Variants in EXT1 observed in about 807,000 individuals in gnomAD.
EXT1 encodes the protein exostosin glycosyltransferase 1.
Under a neutral mutation model 82.5 loss-of-function variants are expected in EXT1, and 20 were observed. That is an observed-to-expected ratio of 0.24 (90% CI 0.17 to 0.35). The LOEUF is 0.35. Among genes scored for constraint, EXT1 ranks in the 10% least tolerant of loss-of-function variants. The pLI, the probability that EXT1 is intolerant of heterozygous loss-of-function variation, is 1.00. For synonymous variants in EXT1, 348 were observed against 350.8 expected (o/e 0.99, Z 0.09); for missense variants, 757 against 936.5 (o/e 0.81, Z 2.50).
intron 1 of EXT1, among the ~76,000 whole-genome samples, chr8:117,847,503 T>C (rs1280664249): frequency 6.6e-6 from 1 of 152,198 alleles, no homozygotes; most frequent in Non-Finnish European, 1.5e-5. Flanking sequence ...GCATTATTTG[T>C]AAATCAAGTT....
intron 4 of EXT1, among the ~76,000 whole-genome samples, chr8:117,826,304 A>G (rs1248798147): frequency 1.3e-5 from 2 of 152,204 alleles, no homozygotes; most frequent in African/African-American, 4.8e-5. Context: ...TCTAGGGCTC[A>G]TAATTGCTGA....
chr8:117,881,364 G>A (rs563808353), intron 1 of EXT1, among the ~76,000 whole-genome samples: 35 of 152,238 alleles, frequency 2.3e-4, no homozygotes, highest in Non-Finnish European at 2.6e-4. Context: ...CACAGCTCCT[G>A]GAGCAATGCC....
intron 1 of EXT1, among the ~76,000 whole-genome samples, chr8:118,054,345 C>T (rs150407510): frequency 6.6e-6 from 1 of 152,280 alleles, no homozygotes; most frequent in Non-Finnish European, 1.5e-5. Context: ...CATTTCTGCA[C>T]TTTGAGTCAA....
rs11318164 is a variant in EXT1 at position 118,090,778 on chromosome 8, CAAAAAAAAAAAAAA to C, written c.962+19293_962+19306del. ...TGGGTGAGACAGTGAGATTCTGTCT[CAAAAAAAAAAAAAA>C]AAAAAAAAAAAAAAAAAGCATGTGC... On this transcript the variant is annotated intron_variant, in intron 1 of 10. Transcript: ENST00000378204. 6.9e-3 allele frequency among the ~76,000 whole-genome samples: 187 copies of C among 27,212 alleles called. 2 individuals are homozygous for C. Among genetic ancestry groups the C allele is most frequent in the African/African-American group, 0.019 (168 of 9,024 alleles). 17.9% of individuals were successfully genotyped at this position (27,212 alleles called of 152,430 possible).
intron 1 of EXT1, among the ~76,000 whole-genome samples, chr8:118,108,628 A>C (rs1817838552): frequency 6.6e-6 from 1 of 152,198 alleles, no homozygotes. Flanking sequence ...TTATGCCTGA[A>C]AAGCAAAAGG....
At chr8:117,881,845 C>T (rs758611684) in intron 1 of EXT1, among the ~76,000 whole-genome samples, 20 of 152,260 alleles carry the variant, frequency 1.3e-4, no homozygotes, top group Non-Finnish European at 1.2e-4. Flanking sequence ...ACAAAACCCA[C>T]GCCCATTGCT....
intron 1 of EXT1, among the ~76,000 whole-genome samples, chr8:117,877,195 G>A (rs996975925): frequency 3.3e-5 from 5 of 152,120 alleles, no homozygotes; most frequent in Non-Finnish European, 5.9e-5. Context: ...TGCAAAAACC[G>A]GAGGCCGGCG....
intron 1 of EXT1, among the ~76,000 whole-genome samples, chr8:117,954,475 G>A (rs754132573): frequency 3.9e-5 from 6 of 152,136 alleles, no homozygotes; most frequent in African/African-American, 7.2e-5. Flanking sequence ...CTAGGGATAT[G>A]ACTGAGCCAT....
chr8:117,868,793 C>T (rs1390228578), intron 1 of EXT1, among the ~76,000 whole-genome samples: 1 of 152,098 alleles, frequency 6.6e-6, no homozygotes, highest in Admixed American at 6.5e-5. Context: ...TATATTCTTC[C>T]ACACATCCTC....
intron 1 of EXT1, among the ~76,000 whole-genome samples, chr8:118,070,803 T>C (rs999588472): frequency 2.0e-5 from 3 of 152,178 alleles, no homozygotes; most frequent in Non-Finnish European, 4.4e-5. Flanking sequence ...ATGGAAGCTA[T>C]GTGTAACTGT....
intron 1 of EXT1, among the ~76,000 whole-genome samples, chr8:117,886,525 T>C (rs547378401): frequency 7.9e-5 from 12 of 152,314 alleles, no homozygotes; most frequent in African/African-American, 2.2e-4. Context: ...ACTTAGTAAA[T>C]AGCTACTAAA....
intron 1 of EXT1, among the ~76,000 whole-genome samples, chr8:118,086,195 T>G (rs986522058): frequency 7.2e-5 from 11 of 152,226 alleles, no homozygotes; most frequent in Non-Finnish European, 1.6e-4. Context: ...GTATTGCCTA[T>G]CACGTACATG....
At chr8:118,052,293 T>C (rs1432757859) in intron 1 of EXT1, among the ~76,000 whole-genome samples, 1 of 152,258 alleles carries the variant, frequency 6.6e-6, no homozygotes, top group African/African-American at 2.4e-5. Flanking sequence ...CATTTCCTCA[T>C]AATATAGTTG....
rs1285206541 is a variant in EXT1 at position 117,968,613 on chromosome 8, A to C, written c.963-131412T>G. 2.1e-5 allele frequency among the ~76,000 whole-genome samples: 2 copies of C among 95,316 alleles called. 1 individual carries two copies. The highest frequency in any genetic ancestry group is 1.3e-4 in the African/African-American group (2 of 15,188). The allele number at this position is 95,316 out of a possible 152,430, so 62.5% of individuals were successfully genotyped here. The stretch of plus-strand genomic sequence containing the variant: ...GAGACGGAGTCTCACTCTGTCACCC[A>C]GGCTGGAGTGCAGTGGCTTGATCTC... On this transcript the variant is annotated intron_variant, in intron 1 of 10. Coordinates refer to ENST00000378204, the MANE Select transcript of EXT1 (RefSeq NM_000127.3).
chr8:117,885,767 T>C (rs1327139021), intron 1 of EXT1, among the ~76,000 whole-genome samples: 2 of 152,178 alleles, frequency 1.3e-5, no homozygotes, highest in Admixed American at 6.5e-5. Flanking sequence ...CTAGTAGATA[T>C]CCTATGAAAG....
chr8:117,800,523 T>A (rs1823151410), intron 10 of EXT1, among the ~76,000 whole-genome samples: 1 of 152,194 alleles, frequency 6.6e-6, no homozygotes, highest in Admixed American at 6.5e-5. Context: ...TTCTGTAGCC[T>A]CCCCATTGAC....
At chr8:118,076,557 G>C (rs919475400) in intron 1 of EXT1, among the ~76,000 whole-genome samples, 5 of 152,162 alleles carry the variant, frequency 3.3e-5, no homozygotes, top group African/African-American at 4.8e-5. Context: ...AAGGCCAATG[G>C]CTGTGTTATT....
At chr8:118,038,911 G>T (rs1026289846) in intron 1 of EXT1, among the ~76,000 whole-genome samples, 4 of 152,200 alleles carry the variant, frequency 2.6e-5, no homozygotes, top group Non-Finnish European at 5.9e-5. Flanking sequence ...CACAATGTCT[G>T]TTCCTCTTAT....
At chr8:117,889,074 A>G (rs1813198241) in intron 1 of EXT1, among the ~76,000 whole-genome samples, 1 of 152,152 alleles carries the variant, frequency 6.6e-6, no homozygotes, top group Non-Finnish European at 1.5e-5. Context: ...GCCCTTCTCC[A>G]TTCCTTTGCT....
Sources: gnomAD v4.1 joint callset for allele counts (sites outside exome capture counted in the v4.1 genomes callset) on GRCh38, gnomAD v4.1.1 for gene constraint, MANE v1.5 for transcripts, NCBI Gene and HGNC (gene_info 2026-07-23, HGNC 2026-07-21) for gene names.